ART3: variants seen among roughly 807,000 people sequenced by gnomAD.
ART3 encodes ADP-ribosyltransferase 3 (inactive), also known as ecto-ADP-ribosyltransferase 3.
Under a neutral mutation model 48.5 loss-of-function variants are expected in ART3, and 49 were observed. The ratio of observed to expected loss-of-function variants is 1.01; its 90% confidence interval spans 0.80 to 1.28. The LOEUF (loss-of-function observed/expected upper bound fraction) is 1.28, where lower values mean the gene tolerates loss of function less well. ART3 is among the 50% of genes most tolerant of loss of function. The probability of loss-of-function intolerance (pLI) is 0.00; values close to 1 mark genes in which losing one functional copy is unlikely to be tolerated. For synonymous variants in ART3, 145 were observed against 157.2 expected (o/e 0.92, Z 0.58); for missense variants, 438 against 454.3 (o/e 0.96, Z 0.33).
intron 1 of ART3, chr4:76,021,892 C>G (rs530961534): frequency 6.3e-7 from 1 of 1,597,296 alleles, no homozygotes; most frequent in African/African-American, 1.3e-5. Context: ...TGTGGTCCAT[C>G]CTTGGAAGCA....
intron 3 of ART3, among the ~76,000 whole-genome samples, chr4:76,096,633 C>T (rs1726074369): frequency 6.6e-6 from 1 of 152,208 alleles, no homozygotes; most frequent in African/African-American, 2.4e-5. Flanking sequence ...TCTCACTAAC[C>T]TTCTTACCTT....
chr4:76,061,489 T>C (rs534808356), intron 1 of ART3, among the ~76,000 whole-genome samples: 1 of 152,348 alleles, frequency 6.6e-6, no homozygotes, highest in Admixed American at 6.5e-5. Context: ...TTAAAATGTC[T>C]TGGTAATTTA....
intron 1 of ART3, among the ~76,000 whole-genome samples, chr4:76,062,397 TATAAA>T (rs1197959449): frequency 6.6e-6 from 1 of 152,178 alleles, no homozygotes; most frequent in East Asian, 1.9e-4. Context: ...GTTTAGTCAA[TATAAA>T]ATATACAGTG....
At chr4:76,028,581 T>A (rs1486759035) in intron 1 of ART3, among the ~76,000 whole-genome samples, 3 of 152,222 alleles carry the variant, frequency 2.0e-5, no homozygotes, top group Non-Finnish European at 4.4e-5. Context: ...CAGGAGGACA[T>A]CAGTGATTTC....
chr4:76,046,603 T>A (rs2149441509), intron 1 of ART3, among the ~76,000 whole-genome samples: 1 of 152,146 alleles, frequency 6.6e-6, no homozygotes, highest in Non-Finnish European at 1.5e-5. Flanking sequence ...AGGCATTTTT[T>A]GCCCTTCCAA....
chr4:76,034,247 G>A (rs112882465), intron 1 of ART3: 14 of 393,212 alleles, frequency 3.6e-5, no homozygotes, highest in African/African-American at 1.9e-4. Context: ...AAATGTTTGA[G>A]GAATGTTTTA....
chr4:76,110,319 G>A (rs76597529), intron 11 of ART3, among the ~76,000 whole-genome samples: 2,363 of 152,210 alleles, frequency 0.016, 55 homozygotes, highest in African/African-American at 0.054. Flanking sequence ...GATAGTATAA[G>A]GTATACAGGA....
intron 1 of ART3, chr4:76,022,834 A>G (rs374869885): frequency 8.7e-6 from 14 of 1,603,568 alleles, no homozygotes; most frequent in Admixed American, 1.7e-5. Context: ...GAAAAGAGGA[A>G]CAGCAGAGAA....
chr4:76,086,819 A>C (rs983744409), intron 3 of ART3, among the ~76,000 whole-genome samples: 2 of 152,216 alleles, frequency 1.3e-5, no homozygotes, highest in African/African-American at 4.8e-5. Context: ...AGACGAGCTC[A>C]TGGGAACTGA....
intron 1 of ART3, among the ~76,000 whole-genome samples, chr4:76,026,388 T>C (rs1733387435): frequency 6.6e-6 from 1 of 152,178 alleles, no homozygotes; most frequent in Admixed American, 6.5e-5. Flanking sequence ...AGGCATTTGG[T>C]AAATATTGGA....
rs113695271 is a variant in ART3 at position 76,102,572 on chromosome 4, A to G, written c.938-1365A>G. Among the ~76,000 whole-genome samples, 302 of 152,180 alleles carry G rather than the reference A, an allele frequency of 2.0e-3. 1 individual carries two copies. The highest frequency in any genetic ancestry group is 6.9e-3 in the African/African-American group (288 of 41,570). ...TGAAACACTAAGCAACTTAAAAATC[A>G]TGTTTTCAAAACCATCTAAAGATAG... On this transcript the variant is annotated intron_variant, in intron 8 of 11. Transcript: ENST00000355810.
chr4:76,022,184 C>T (rs1435746583), intron 1 of ART3, among the ~76,000 whole-genome samples: 1 of 152,164 alleles, frequency 6.6e-6, no homozygotes, highest in Non-Finnish European at 1.5e-5. Context: ...ATCAGGGTAA[C>T]TTCTGATACT....
intron 1 of ART3, among the ~76,000 whole-genome samples, chr4:76,049,055 T>TTG (rs1198925177): frequency 2.6e-5 from 4 of 151,934 alleles, no homozygotes; most frequent in African/African-American, 9.7e-5. Context: ...GGAATAGCTT[T>TTG]TGTTAGGCCT....
Position 76,105,714 on chromosome 4 carries a change from T to G in ART3, c.1003+1085T>G, listed in dbSNP as rs935022185. On this transcript the variant is annotated intron_variant, in intron 10 of 11. Coordinates refer to ENST00000355810, the MANE Select transcript of ART3 (RefSeq NM_001130016.3). ...CCAGACAGGGAAAGTGTTGAGAATT[T>G]CTTTCAGTGTGAGCAGCAGGCTGCT... The G allele has an allele frequency of 4.1e-6, 4 of 985,404 alleles. No homozygotes were observed. In the South Asian group the frequency reaches 1.9e-4, roughly 46 times the overall value. The allele number at this position is 985,404 out of a possible 1,614,324, so 61.0% of individuals were successfully genotyped here.
intron 3 of ART3, among the ~76,000 whole-genome samples, chr4:76,089,111 C>G (rs922150014): frequency 6.6e-6 from 1 of 152,140 alleles, no homozygotes; most frequent in Non-Finnish European, 1.5e-5. Context: ...TTATTCTTAA[C>G]AATAATTACT....
At chr4:76,060,913 C>A (rs1207884851) in intron 1 of ART3, among the ~76,000 whole-genome samples, 1 of 152,176 alleles carries the variant, frequency 6.6e-6, no homozygotes, top group African/African-American at 2.4e-5. Context: ...CTGCTAACAA[C>A]CCGAATGAGC....
intron 1 of ART3, among the ~76,000 whole-genome samples, chr4:76,066,952 T>C (rs568203381): frequency 7.2e-5 from 11 of 152,052 alleles, no homozygotes; most frequent in Admixed American, 5.2e-4. Context: ...CCCCCAAGAG[T>C]GCAGGGATAC....
At chr4:76,020,708 G>A (rs1227874479) in intron 1 of ART3, among the ~76,000 whole-genome samples, 1 of 152,104 alleles carries the variant, frequency 6.6e-6, no homozygotes, top group African/African-American at 2.4e-5. Context: ...TGGCCATAGG[G>A]CTGGATGTGG....
intron 2 of ART3, among the ~76,000 whole-genome samples, chr4:76,080,957 A>ATAAG: frequency 6.6e-6 from 1 of 152,100 alleles, no homozygotes; most frequent in Non-Finnish European, 1.5e-5. Flanking sequence ...CCTGCTTCTT[A>ATAAG]TGTTATGTGA....
Sources: gnomAD v4.1 joint callset for allele counts (sites outside exome capture counted in the v4.1 genomes callset) on GRCh38, gnomAD v4.1.1 for gene constraint, MANE v1.5 for transcripts, NCBI Gene and HGNC (gene_info 2026-07-23, HGNC 2026-07-21) for gene names.